Variants in EPHA7 observed in about 807,000 individuals in gnomAD.
The protein encoded by EPHA7 is ephrin type-A receptor 7.
EPHA7 carries 25 observed loss-of-function variants against 112.6 expected under a neutral mutation model. The observed-to-expected ratio is 0.22, with a 90% CI of 0.16 to 0.31. The LOEUF (loss-of-function observed/expected upper bound fraction) is 0.31, where lower values mean the gene tolerates loss of function less well. Among genes scored for constraint, EPHA7 ranks in the 10% least tolerant of loss-of-function variants. The pLI is 1.00. For synonymous variants in EPHA7, 437 were observed against 406.5 expected, an observed-to-expected ratio of 1.07 and a Z score of -0.90; for missense variants, 962 against 1,212.6, an observed-to-expected ratio of 0.79 and a Z score of 3.07.
chr6:93,267,383 C>T (rs1770995910), intron 7 of EPHA7, among the ~76,000 whole-genome samples: 1 of 151,718 alleles, frequency 6.6e-6, no homozygotes, highest in Admixed American at 6.6e-5. Context: ...CCCAGCTCAT[C>T]CAAACTCCTA....
chr6:93,288,773 T>C (rs1325808000), intron 5 of EPHA7, among the ~76,000 whole-genome samples: 1 of 152,200 alleles, frequency 6.6e-6, no homozygotes, highest in Non-Finnish European at 1.5e-5. Flanking sequence ...CTGACTGTTC[T>C]TTTCTTAAAG....
intron 3 of EPHA7, among the ~76,000 whole-genome samples, chr6:93,376,573 T>C (rs1405526663): frequency 1.3e-5 from 2 of 152,186 alleles, no homozygotes; most frequent in Non-Finnish European, 2.9e-5. Context: ...CTGAAATACA[T>C]GTAGCTGATT....
chr6:93,306,483 T>A (rs1476851270), intron 5 of EPHA7, among the ~76,000 whole-genome samples: 1 of 152,022 alleles, frequency 6.6e-6, no homozygotes, highest in Non-Finnish European at 1.5e-5. Context: ...TGGCACAGTA[T>A]GATGGACTTA....
At chr6:93,417,300 C>A (rs1252942421) in intron 1 of EPHA7, among the ~76,000 whole-genome samples, 1 of 152,140 alleles carries the variant, frequency 6.6e-6, no homozygotes, top group Admixed American at 6.5e-5. Flanking sequence ...TTGGGTACTG[C>A]GGGCCGCCTC....
rs1769664128 is a variant in EPHA7, at chr6:93,240,942, T to C, written c.*2484A>G. The C allele has an allele frequency of 4.7e-6, 1 of 212,638 alleles. No homozygotes were observed. Among genetic ancestry groups the C allele is most frequent in the Non-Finnish European group, 9.5e-6 (1 of 104,876 alleles). The allele number at this position is 212,638 out of a possible 1,614,324, so 13.2% of individuals were successfully genotyped here. ...TACAAACGAGATAGTGATGTAATCATACACTTCCTATTGTGCTGTGTGTCT... is the reference window on the plus strand; with the variant it reads ...TACAAACGAGATAGTGATGTAATCACACACTTCCTATTGTGCTGTGTGTCT... On this transcript the variant is annotated 3_prime_UTR_variant, in exon 17 of 17. Coordinates refer to ENST00000369303, the MANE Select transcript of EPHA7 (RefSeq NM_004440.4).
chr6:93,283,345 G>A (rs1389370339), intron 5 of EPHA7, among the ~76,000 whole-genome samples: 1 of 152,124 alleles, frequency 6.6e-6, no homozygotes, highest in African/African-American at 2.4e-5. Context: ...CCAATCAGCA[G>A]GATGTGGGTG....
intron 5 of EPHA7, among the ~76,000 whole-genome samples, chr6:93,314,440 A>G (rs1773695523): frequency 6.6e-6 from 1 of 152,178 alleles, no homozygotes; most frequent in African/African-American, 2.4e-5. Flanking sequence ...ACTGCAAAAA[A>G]GCTGACCCTT....
At chr6:93,348,787 C>T (rs1489117870) in intron 5 of EPHA7, among the ~76,000 whole-genome samples, 1 of 151,708 alleles carries the variant, frequency 6.6e-6, no homozygotes, top group Non-Finnish European at 1.5e-5. Context: ...TTACAGTATA[C>T]AAAGAATTTA....
At chr6:93,301,215 T>A (rs1772960231) in intron 5 of EPHA7, among the ~76,000 whole-genome samples, 1 of 152,202 alleles carries the variant, frequency 6.6e-6, no homozygotes, top group Non-Finnish European at 1.5e-5. Flanking sequence ...TATTTTCTTT[T>A]AAGTTTCTTT....
rs561236652 is a variant in EPHA7, at chr6:93,313,066, A to T, written c.1325-40644T>A. On this transcript the variant is annotated intron_variant, in intron 5 of 16. Transcript: ENST00000369303. ...TCACTATGAAAATTATAATAATAAT[A>T]AAAAAAATGAAATAAATTGTGACAC... 1.5e-4 allele frequency among the ~76,000 whole-genome samples: 23 copies of T among 151,774 alleles called. No homozygotes were observed. In the East Asian group the frequency reaches 1.9e-3, roughly 13 times the overall value.
chr6:93,364,553 A>G (rs1172748259), intron 3 of EPHA7, among the ~76,000 whole-genome samples: 1 of 151,816 alleles, frequency 6.6e-6, no homozygotes, highest in African/African-American at 2.4e-5. Context: ...AAAAAAAAAA[A>G]AATTCATCAG....
intron 5 of EPHA7, among the ~76,000 whole-genome samples, chr6:93,332,993 C>T (rs1334189981): frequency 1.3e-5 from 2 of 151,558 alleles, no homozygotes; most frequent in Non-Finnish European, 3.0e-5. Flanking sequence ...AGGTAATAAG[C>T]ATAGTATCTG....
chr6:93,394,019 C>A (rs1778040158), intron 3 of EPHA7, among the ~76,000 whole-genome samples: 1 of 151,672 alleles, frequency 6.6e-6, no homozygotes, highest in East Asian at 1.9e-4. Flanking sequence ...AGGCTCCTGT[C>A]ATTTCTGAGT....
intron 3 of EPHA7, among the ~76,000 whole-genome samples, chr6:93,379,020 T>G (rs748529374): frequency 6.6e-6 from 1 of 152,138 alleles, no homozygotes; most frequent in East Asian, 1.9e-4. Context: ...AACACAAACA[T>G]ATATTGAATA....
chr6:93,413,217 G>A (rs941719037), intron 2 of EPHA7, among the ~76,000 whole-genome samples: 4 of 151,824 alleles, frequency 2.6e-5, no homozygotes, highest in African/African-American at 9.7e-5. Context: ...CTAACCTATT[G>A]CACAGATATA....
In EPHA7 at chr6:93,408,501, C is replaced by G. The variant is rs113151250; in HGVS notation, c.832+2000G>C. ...TATATGGAAACTGCAGGATTTTCTA[C>G]TCAATTAGAAATACTGCCAGTGAGG... On this transcript the variant is annotated intron_variant, in intron 3 of 16. Transcript: ENST00000369303. Among the ~76,000 whole-genome samples the G allele has an allele frequency of 5.5e-3, 835 of 152,116 alleles. 15 individuals are homozygous for G. The highest frequency in any genetic ancestry group is 0.019 in the African/African-American group (806 of 41,520).
chr6:93,318,089 T>A (rs10944663), intron 5 of EPHA7, among the ~76,000 whole-genome samples: 37,258 of 152,142 alleles, frequency 0.24, 4,756 homozygotes, highest in East Asian at 0.31. Context: ...AATGTACTTA[T>A]AAGACATACT....
chr6:93,290,034 T>C (rs1431172034), intron 5 of EPHA7, among the ~76,000 whole-genome samples: 4 of 152,172 alleles, frequency 2.6e-5, no homozygotes, highest in East Asian at 1.9e-4. Flanking sequence ...TAATATTTAT[T>C]GTAATTTTCC....
intron 9 of EPHA7, among the ~76,000 whole-genome samples, chr6:93,260,154 C>T (rs1189169698): frequency 6.6e-6 from 1 of 151,790 alleles, no homozygotes; most frequent in Non-Finnish European, 1.5e-5. Context: ...TTCCTGGGAT[C>T]TGTTAACCAA....
Sources: gnomAD v4.1 joint callset for allele counts (sites outside exome capture counted in the v4.1 genomes callset) on GRCh38, gnomAD v4.1.1 for gene constraint, MANE v1.5 for transcripts, NCBI Gene and HGNC (gene_info 2026-07-23, HGNC 2026-07-21) for gene names.